Variants in GRID2 observed in about 807,000 individuals in gnomAD.
GRID2 encodes glutamate receptor ionotropic, delta-2.
GRID2 carries 33 observed loss-of-function variants against 114.8 expected under a neutral mutation model. That is an observed-to-expected ratio of 0.29 (90% CI 0.22 to 0.38). The LOEUF (loss-of-function observed/expected upper bound fraction) is 0.38, where lower values mean the gene tolerates loss of function less well. Ranked by LOEUF, GRID2 falls within the 10% of genes least tolerant of loss-of-function variation. The pLI is 1.00. For missense variants in GRID2, 1,184 were observed against 1,257.7 expected (o/e 0.94, Z 0.89); for synonymous variants, 505 against 449.9 (o/e 1.12, Z -1.55).
chr4:92,666,771 G>C (rs1374879372), intron 2 of GRID2, among the ~76,000 whole-genome samples: 1 of 144,284 alleles, frequency 6.9e-6, no homozygotes, highest in African/African-American at 2.6e-5. Flanking sequence ...TTTAATCTCT[G>C]GTTCACAAAA....
At chr4:93,439,223 G>T (rs1721391824) in intron 10 of GRID2, among the ~76,000 whole-genome samples, 1 of 152,016 alleles carries the variant, frequency 6.6e-6, no homozygotes. Flanking sequence ...GGGTCAAATG[G>T]TATTTCTAGT....
At chr4:93,174,952 A>G (rs911625803) in intron 4 of GRID2, among the ~76,000 whole-genome samples, 1 of 152,074 alleles carries the variant, frequency 6.6e-6, no homozygotes, top group Non-Finnish European at 1.5e-5. Flanking sequence ...TTTTTGTGTG[A>G]CATACTTTCT....
intron 13 of GRID2, among the ~76,000 whole-genome samples, chr4:93,541,238 T>C (rs892220424): frequency 1.3e-5 from 2 of 152,158 alleles, no homozygotes; most frequent in African/African-American, 4.8e-5. Flanking sequence ...AATCCCACAG[T>C]GTCAGTGTGC....
chr4:92,740,630 A>G (rs1736825622), intron 2 of GRID2, among the ~76,000 whole-genome samples: 1 of 152,074 alleles, frequency 6.6e-6, no homozygotes, highest in African/African-American at 2.4e-5. Context: ...ATTTTCTACT[A>G]AATTTTCTCA....
intron 2 of GRID2, among the ~76,000 whole-genome samples, chr4:93,039,027 A>G (rs1176205750): frequency 6.6e-6 from 1 of 152,210 alleles, no homozygotes; most frequent in African/African-American, 2.4e-5. Context: ...ACATATGTTT[A>G]TTGGGTTACT....
intron 2 of GRID2, among the ~76,000 whole-genome samples, chr4:92,824,260 ATTAAAATT>A (rs1741522447): frequency 6.6e-6 from 1 of 152,148 alleles, no homozygotes; most frequent in East Asian, 1.9e-4. Context: ...GTTGGAGGTT[ATTAAAATT>A]TATCATTACT....
intron 9 of GRID2, among the ~76,000 whole-genome samples, chr4:93,421,338 A>G (rs772547429): frequency 5.9e-5 from 9 of 152,214 alleles, no homozygotes; most frequent in Non-Finnish European, 1.2e-4. Flanking sequence ...ATAAAAAAAT[A>G]TAATTAGAGA....
chr4:93,590,194 G>A (rs1738054614), intron 13 of GRID2, among the ~76,000 whole-genome samples: 1 of 150,690 alleles, frequency 6.6e-6, no homozygotes, highest in African/African-American at 2.4e-5. Context: ...TAGGTCTAAC[G>A]TTTTAAGTCT....
intron 8 of GRID2, among the ~76,000 whole-genome samples, chr4:93,349,503 GA>G (rs1355773053): frequency 2.0e-5 from 3 of 151,900 alleles, no homozygotes; most frequent in African/African-American, 4.8e-5. Flanking sequence ...AAAGCATGCT[GA>G]AAAAAAGTTA....
chr4:93,593,843 G>A (rs370279738), intron 13 of GRID2, among the ~76,000 whole-genome samples: 5 of 151,702 alleles, frequency 3.3e-5, no homozygotes, highest in Non-Finnish European at 7.4e-5. Flanking sequence ...CCAGTTGATC[G>A]CATCGGCTCC....
chr4:92,941,021 A>T (rs1448510388), intron 2 of GRID2, among the ~76,000 whole-genome samples: 1 of 152,074 alleles, frequency 6.6e-6, no homozygotes, highest in Non-Finnish European at 1.5e-5. Context: ...ATATTGGTTT[A>T]AAATTCTCTT....
At chr4:93,371,189 T>G (rs1762871337) in intron 8 of GRID2, among the ~76,000 whole-genome samples, 1 of 152,170 alleles carries the variant, frequency 6.6e-6, no homozygotes, top group South Asian at 2.1e-4. Flanking sequence ...TTGAGACTAT[T>G]AGGGTTGCTT....
intron 1 of GRID2, among the ~76,000 whole-genome samples, chr4:92,583,625 CTTAA>C (rs201623504): frequency 0.014 from 2,051 of 151,008 alleles, 33 homozygotes; most frequent in African/African-American, 0.047. Flanking sequence ...GATATATCAA[CTTAA>C]TTAATATTTC....
chr4:93,134,357 G>T (rs148140693), intron 4 of GRID2, among the ~76,000 whole-genome samples: 1 of 152,102 alleles, frequency 6.6e-6, no homozygotes, highest in Admixed American at 6.6e-5. Context: ...TTTGAATTGC[G>T]ATCTGAATTT....
chr4:92,958,352 TGA>T (rs1484446029), intron 2 of GRID2, among the ~76,000 whole-genome samples: 1 of 152,064 alleles, frequency 6.6e-6, no homozygotes, highest in Non-Finnish European at 1.5e-5. Flanking sequence ...GATGAATGAC[TGA>T]GAGATTTTAT....
intron 1 of GRID2, among the ~76,000 whole-genome samples, chr4:92,487,472 C>T (rs1189088486): frequency 6.6e-6 from 1 of 151,732 alleles, no homozygotes; most frequent in Non-Finnish European, 1.5e-5. Flanking sequence ...TTGCCAGTTT[C>T]TTCATTTTCT....
chr4:93,188,466 C>T (rs918841556), intron 4 of GRID2, among the ~76,000 whole-genome samples: 4 of 152,144 alleles, frequency 2.6e-5, no homozygotes, highest in African/African-American at 7.2e-5. Flanking sequence ...GATTTCTAAG[C>T]TTATGATGGG....
chr4:93,197,555 A>T (rs1279772405), intron 4 of GRID2, among the ~76,000 whole-genome samples: 6 of 152,326 alleles, frequency 3.9e-5, no homozygotes, highest in East Asian at 3.9e-4. Context: ...TTCAATAAGC[A>T]TTTACTGGAC....
intron 2 of GRID2, among the ~76,000 whole-genome samples, chr4:92,613,665 TCTG>T (rs1219155808): frequency 2.6e-5 from 4 of 151,436 alleles, no homozygotes; most frequent in African/African-American, 9.7e-5. Flanking sequence ...TTTTATCTGC[TCTG>T]CTAACATGAA....
Sources: allele counts gnomAD v4.1 joint callset (sites outside exome capture counted in the v4.1 genomes callset), GRCh38; gene constraint gnomAD v4.1.1; transcripts MANE v1.5; gene names NCBI Gene and HGNC (gene_info 2026-07-23, HGNC 2026-07-21).